GSK3B: variants seen among roughly 807,000 people sequenced by gnomAD.
GSK3B encodes glycogen synthase kinase 3 beta.
Under a neutral mutation model 56.4 loss-of-function variants are expected in GSK3B, and 15 were observed. The ratio of observed to expected loss-of-function variants is 0.27; its 90% CI spans 0.18 to 0.41. The LOEUF (loss-of-function observed/expected upper bound fraction) is 0.41, where lower values mean the gene tolerates loss of function less well. Among genes scored for constraint, GSK3B ranks in the 10% least tolerant of loss-of-function variants. The probability of loss-of-function intolerance (pLI) is 1.00; values close to 1 mark genes in which losing one functional copy is unlikely to be tolerated. For missense variants in GSK3B, 300 were observed against 513.4 expected (o/e 0.58, Z 4.02); for synonymous variants, 181 against 188.9 (o/e 0.96, Z 0.34).
At chr3:120,057,294 C>G (rs2058199265) in intron 1 of GSK3B, among the ~76,000 whole-genome samples, 1 of 152,144 alleles carries the variant, frequency 6.6e-6, no homozygotes, top group East Asian at 1.9e-4. Flanking sequence ...CAGATAAATT[C>G]TAGGATTACA....
chr3:119,918,936 T>A (rs1428507378), intron 4 of GSK3B, among the ~76,000 whole-genome samples: 1 of 152,112 alleles, frequency 6.6e-6, no homozygotes, highest in Admixed American at 6.6e-5. Context: ...AATAAAACAA[T>A]AGAATACATG....
In GSK3B at chr3:119,863,574, A is replaced by G; in HGVS notation, c.941T>C (p.Ile314Thr). The G allele has an allele frequency of 6.2e-7, 1 of 1,613,310 alleles. No homozygotes were observed. The highest frequency in any genetic ancestry group is 1.1e-5 in the South Asian group (1 of 91,072). The stretch of plus-strand genomic sequence containing the variant: ...CTCCAGCAGACGGCTACACAGTGCA[A>G]TTGCCTCCGGTGGAGTTCGGGGTCG... ...VFRPRTPPEA[I>T]ALCSRLLEYT... Residue 314 changes from isoleucine (I) to threonine (T), a missense_variant, in exon 9 of 11, where the codon ATT becomes ACT. Ile to Thr is a moderately conservative substitution (Grantham distance 89, BLOSUM62 -1). Transcript: ENST00000264235.
chr3:119,880,489 C>T (rs1258034725), intron 7 of GSK3B, among the ~76,000 whole-genome samples: 2 of 151,858 alleles, frequency 1.3e-5, no homozygotes, highest in African/African-American at 4.8e-5. Context: ...TTCTTGTATG[C>T]CAATTACCCC....
chr3:119,907,487 C>G (rs1047173848), intron 6 of GSK3B, among the ~76,000 whole-genome samples: 1 of 152,116 alleles, frequency 6.6e-6, no homozygotes, highest in Non-Finnish European at 1.5e-5. Flanking sequence ...AAACAAGGTA[C>G]TTATCAATCA....
rs138839119 is a variant in GSK3B, at chr3:119,891,703, T to G, written c.813+14052A>C. Among the ~76,000 whole-genome samples, 25 of 152,220 alleles carry G rather than the reference T, an allele frequency of 1.6e-4. No homozygotes were observed. In the East Asian group the frequency reaches 4.6e-3, roughly 28 times the overall value. ...CTGAAAACTGAGTCCTTTTTTGACT[T>G]AAAGGAAATTAAACTAGATGGAAAT... On this transcript the variant is annotated intron_variant, in intron 7 of 10. Transcript: ENST00000264235.
chr3:119,852,091 C>A (rs747493537), intron 9 of GSK3B, among the ~76,000 whole-genome samples: 3 of 152,142 alleles, frequency 2.0e-5, no homozygotes, highest in Middle Eastern at 3.2e-3. Flanking sequence ...GAAAATCAGA[C>A]AAATAGTAAG....
intron 1 of GSK3B, among the ~76,000 whole-genome samples, chr3:120,012,556 C>T (rs1056911076): frequency 6.6e-6 from 1 of 152,174 alleles, no homozygotes; most frequent in Non-Finnish European, 1.5e-5. Context: ...GCATTAAATC[C>T]CTACTCTTTA....
intron 1 of GSK3B, among the ~76,000 whole-genome samples, chr3:120,076,901 A>G (rs1187766370): frequency 6.6e-6 from 1 of 151,838 alleles, no homozygotes; most frequent in Admixed American, 6.6e-5. Context: ...CAACAGGTAT[A>G]TGAAAAGGTG....
intron 2 of GSK3B, among the ~76,000 whole-genome samples, chr3:119,977,320 TG>T (rs910242620): frequency 7.9e-5 from 12 of 152,182 alleles, no homozygotes; most frequent in Admixed American, 2.0e-4. Flanking sequence ...TCATTATCAA[TG>T]GTCCCAACTG....
At chr3:120,036,618 C>G (rs565409126) in intron 1 of GSK3B, among the ~76,000 whole-genome samples, 7 of 152,022 alleles carry the variant, frequency 4.6e-5, no homozygotes, top group African/African-American at 1.7e-4. Context: ...CATGGCAAAA[C>G]CCCGTATCTA....
chr3:119,830,159 T>C (rs556314486), intron 10 of GSK3B, among the ~76,000 whole-genome samples: 2 of 152,334 alleles, frequency 1.3e-5, no homozygotes, highest in Admixed American at 1.3e-4. Context: ...TTACATTTCA[T>C]AATCTCTACA....
chr3:120,053,318 C>T (rs2058166113), intron 1 of GSK3B, among the ~76,000 whole-genome samples: 1 of 151,888 alleles, frequency 6.6e-6, no homozygotes, highest in African/African-American at 2.4e-5. Context: ...GCCTGGGCGA[C>T]AGAGTGAGAC....
chr3:119,963,674 G>C (rs1057221931), intron 2 of GSK3B, among the ~76,000 whole-genome samples: 1 of 126,716 alleles, frequency 7.9e-6, no homozygotes, highest in African/African-American at 2.9e-5. Context: ...GAAAGAAAAA[G>C]AAAAAAAACA....
In GSK3B at chr3:120,034,601, T is replaced by C. The variant is rs535562222; in HGVS notation, c.89-32362A>G. ...GAATCTATATCCAAGCGCCACACCG[T>C]CTGGATTGATGTAAATTTTTAAATT... On this transcript the variant is annotated intron_variant, in intron 1 of 10. Transcript: ENST00000264235. Among the ~76,000 whole-genome samples the C allele has an allele frequency of 2.7e-4, 41 of 152,326 alleles. No individual in the cohort carries two copies. In the South Asian group the frequency reaches 8.3e-3, roughly 31 times the overall value.
chr3:120,089,475 C>T (rs748184994), intron 1 of GSK3B, among the ~76,000 whole-genome samples: 1 of 152,148 alleles, frequency 6.6e-6, no homozygotes, highest in Non-Finnish European at 1.5e-5. Context: ...GATTAAACTT[C>T]CCAGGGGAAT....
chr3:119,897,590 T>TG, intron 7 of GSK3B, among the ~76,000 whole-genome samples: 1 of 151,804 alleles, frequency 6.6e-6, no homozygotes, highest in Non-Finnish European at 1.5e-5. Flanking sequence ...TTCATTTTTC[T>TG]GGGGGGAAGT....
chr3:120,076,671 G>C (rs334551), intron 1 of GSK3B, among the ~76,000 whole-genome samples: 1 of 151,258 alleles, frequency 6.6e-6, no homozygotes, highest in African/African-American at 2.4e-5. Context: ...AAAATTAGCC[G>C]GGCATGGTGG....
At chr3:119,969,631 G>A (rs1045750638) in intron 2 of GSK3B, among the ~76,000 whole-genome samples, 3 of 152,198 alleles carry the variant, frequency 2.0e-5, no homozygotes, top group Non-Finnish European at 4.4e-5. Flanking sequence ...TGGTACTGGT[G>A]AAAGAAGAGA....
intron 8 of GSK3B, chr3:119,866,644 C>CA: frequency 6.4e-7 from 1 of 1,573,556 alleles, no homozygotes; most frequent in Non-Finnish European, 8.7e-7. Flanking sequence ...GATGATAATG[C>CA]AGTGAAATAA....
Sources: gnomAD v4.1 joint callset for allele counts (sites outside exome capture counted in the v4.1 genomes callset) on GRCh38, gnomAD v4.1.1 for gene constraint, MANE v1.5 for transcripts, NCBI Gene and HGNC (gene_info 2026-07-23, HGNC 2026-07-21) for gene names.